Variants in OPCML observed in about 807,000 individuals in gnomAD.
OPCML encodes opioid binding protein/cell adhesion molecule like.
In OPCML, 13 loss-of-function variants were observed where a neutral mutation model predicts 37.8. The ratio of observed to expected loss-of-function variants is 0.34; its 90% CI spans 0.22 to 0.55. The LOEUF is 0.55. Among genes scored for constraint, OPCML ranks in the 20% least tolerant of loss-of-function variants. The pLI, the probability that OPCML is intolerant of heterozygous loss-of-function variation, is 0.91. For synonymous variants in OPCML, 176 were observed against 168.8 expected (o/e 1.04, Z -0.33); for missense variants, 341 against 435.6 (o/e 0.78, Z 1.93).
chr11:132,489,400 TAA>T (rs1032927451), intron 4 of OPCML, among the ~76,000 whole-genome samples: 1 of 152,218 alleles, frequency 6.6e-6, no homozygotes, highest in African/African-American at 2.4e-5. Context: ...GAGTATGATC[TAA>T]AATAATAGTA....
chr11:133,513,128 G>C (rs1948194029), intron 1 of OPCML, among the ~76,000 whole-genome samples: 1 of 152,156 alleles, frequency 6.6e-6, no homozygotes, highest in Non-Finnish European at 1.5e-5. Flanking sequence ...AATATGAAGA[G>C]AGATGCACCA....
chr11:133,200,011 G>A (rs960593653), intron 1 of OPCML, among the ~76,000 whole-genome samples: 2 of 152,150 alleles, frequency 1.3e-5, no homozygotes, highest in African/African-American at 2.4e-5. Context: ...CAGCCTTCAC[G>A]AGACTGTCCT....
chr11:132,451,484 G>T (rs879698539), intron 4 of OPCML, among the ~76,000 whole-genome samples: 7 of 152,168 alleles, frequency 4.6e-5, no homozygotes, highest in Non-Finnish European at 1.0e-4. Context: ...TATGCAGCTG[G>T]TCTGGCTTCT....
intron 2 of OPCML, among the ~76,000 whole-genome samples, chr11:132,741,796 G>A (rs1439617999): frequency 1.3e-5 from 2 of 152,186 alleles, no homozygotes; most frequent in Non-Finnish European, 1.5e-5. Flanking sequence ...GGAGGCCGAG[G>A]CAAGCAGATC....
chr11:132,860,310 C>G (rs993054726), intron 2 of OPCML, among the ~76,000 whole-genome samples: 57 of 152,280 alleles, frequency 3.7e-4, no homozygotes, highest in African/African-American at 1.3e-3. Flanking sequence ...GCCTGGAGGG[C>G]CAGTTTTCAT....
chr11:133,007,910 C>A (rs957407329), intron 1 of OPCML: 8 of 985,284 alleles, frequency 8.1e-6, no homozygotes, highest in Non-Finnish European at 3.6e-6. Context: ...TGTTGTCCTG[C>A]ATTTGAGGTC....
chr11:132,562,092 C>T (rs2096411918), intron 3 of OPCML, among the ~76,000 whole-genome samples: 1 of 152,120 alleles, frequency 6.6e-6, no homozygotes, highest in East Asian at 1.9e-4. Context: ...TGAGCAGAGT[C>T]AGAGAGGAAT....
At chr11:133,230,401 C>G (rs2136385377) in intron 1 of OPCML, among the ~76,000 whole-genome samples, 1 of 152,238 alleles carries the variant, frequency 6.6e-6, no homozygotes, top group Non-Finnish European at 1.5e-5. Flanking sequence ...GCTGGACAGC[C>G]AGCTGCTGTC....
At chr11:133,064,090 C>T (rs1306596231) in intron 1 of OPCML, among the ~76,000 whole-genome samples, 1 of 152,158 alleles carries the variant, frequency 6.6e-6, no homozygotes, top group African/African-American at 2.4e-5. Context: ...TGTATTGGGG[C>T]CTATTGCAGG....
At chr11:132,859,908 C>A (rs1467624122) in intron 2 of OPCML, 4 of 152,146 alleles carry the variant, frequency 2.6e-5, no homozygotes, top group Non-Finnish European at 5.9e-5. Context: ...AGCTTCCTAG[C>A]CCTAATACTA....
intron 1 of OPCML, among the ~76,000 whole-genome samples, chr11:133,375,100 C>T (rs982222111): frequency 6.6e-6 from 1 of 152,200 alleles, no homozygotes; most frequent in African/African-American, 2.4e-5. Context: ...CCTTCTCCAT[C>T]TTTACATATT....
chr11:133,455,573 C>G (rs543220883), intron 1 of OPCML, among the ~76,000 whole-genome samples: 11 of 152,302 alleles, frequency 7.2e-5, no homozygotes, highest in African/African-American at 9.6e-5. Flanking sequence ...GCTGCTTGTC[C>G]TTCTTATTAC....
At chr11:132,948,518 G>A (rs79151901) in intron 1 of OPCML, among the ~76,000 whole-genome samples, 6,716 of 152,202 alleles carry the variant, frequency 0.044, 480 homozygotes, top group African/African-American at 0.15. Context: ...AAAGAAATGT[G>A]TGGGGTATGG....
At chr11:132,469,864 G>T (rs2096131977) in intron 4 of OPCML, among the ~76,000 whole-genome samples, 1 of 114,142 alleles carries the variant, frequency 8.8e-6, no homozygotes, top group Non-Finnish European at 1.8e-5. Context: ...TGTATGTGTG[G>T]GGGTGTGTAT....
chr11:132,676,705 A>G (rs3019852), intron 2 of OPCML, among the ~76,000 whole-genome samples: 81,827 of 150,114 alleles, frequency 0.55, 22,621 homozygotes, highest in African/African-American at 0.62. Context: ...AATCATTAGT[A>G]ATACATAAAG....
chr11:133,421,039 T>C (rs1236020094), intron 1 of OPCML: 6 of 985,220 alleles, frequency 6.1e-6, no homozygotes, highest in Non-Finnish European at 7.2e-6. Context: ...GGGGTGTAGA[T>C]TTTGTCCTGA....
intron 1 of OPCML, among the ~76,000 whole-genome samples, chr11:133,402,800 T>C (rs867658979): frequency 6.6e-6 from 1 of 152,244 alleles, no homozygotes; most frequent in Middle Eastern, 3.4e-3. Flanking sequence ...CCTGCCCGCA[T>C]CTGCAGAAAC....
chr11:132,669,270 G>C (rs1278882513), intron 2 of OPCML, among the ~76,000 whole-genome samples: 1 of 151,936 alleles, frequency 6.6e-6, no homozygotes, highest in Non-Finnish European at 1.5e-5. Context: ...TGCCAACCAT[G>C]TGTCAGCGCT....
intron 2 of OPCML, among the ~76,000 whole-genome samples, chr11:132,821,039 T>G (rs530249895): frequency 3.1e-4 from 47 of 152,332 alleles, no homozygotes; most frequent in African/African-American, 1.1e-3. Context: ...CCTTGGGTGA[T>G]GGAACCACAA....
Sources: gnomAD v4.1 joint callset for allele counts (sites outside exome capture counted in the v4.1 genomes callset) on GRCh38, gnomAD v4.1.1 for gene constraint, MANE v1.5 for transcripts, NCBI Gene and HGNC (gene_info 2026-07-23, HGNC 2026-07-21) for gene names.